MAML2: variants seen among roughly 807,000 people sequenced by gnomAD.
MAML2 encodes mastermind like transcriptional coactivator 2.
MAML2 carries 22 observed loss-of-function variants against 96.1 expected under a neutral mutation model. The ratio of observed to expected loss-of-function variants is 0.23; its 90% CI spans 0.16 to 0.33. The LOEUF (loss-of-function observed/expected upper bound fraction) is 0.33, where lower values mean the gene tolerates loss of function less well. Among genes scored for constraint, MAML2 ranks in the 10% least tolerant of loss-of-function variants. The pLI is 1.00. For missense variants in MAML2, 1,367 were observed against 1,392.4 expected (o/e 0.98, Z 0.29); for synonymous variants, 561 against 521.3 (o/e 1.08, Z -1.04).
At chr11:95,991,362 T>C (rs1267253724) in intron 3 of MAML2, among the ~76,000 whole-genome samples, 158 bp downstream of exon 3, 1 of 151,964 alleles carries the variant, frequency 6.6e-6, no homozygotes, top group Non-Finnish European at 1.5e-5. Context: ...TTTTTTTTCT[T>C]CCTGCAGTAC....
chr11:96,103,878 T>C (rs1231686809), intron 1 of MAML2, among the ~76,000 whole-genome samples: 2 of 152,244 alleles, frequency 1.3e-5, no homozygotes, highest in Admixed American at 1.3e-4. Context: ...TTTTTGTTTG[T>C]TTGTTTTTCA....
intron 1 of MAML2, among the ~76,000 whole-genome samples, chr11:96,131,808 G>C (rs984683211): frequency 6.6e-6 from 1 of 152,104 alleles, no homozygotes; most frequent in Non-Finnish European, 1.5e-5. Context: ...TCAGGCATTC[G>C]AGACCAGCCT....
At chr11:96,058,945 G>T (rs1257607913) in intron 2 of MAML2, among the ~76,000 whole-genome samples, 1 of 152,194 alleles carries the variant, frequency 6.6e-6, no homozygotes, top group Non-Finnish European at 1.5e-5. Flanking sequence ...AGCTAGGCAT[G>T]GTGGTGCACA....
At chr11:96,118,516 C>T (rs573697947) in intron 1 of MAML2, among the ~76,000 whole-genome samples, 1 of 152,266 alleles carries the variant, frequency 6.6e-6, no homozygotes, top group African/African-American at 2.4e-5. Flanking sequence ...GTCAATTAAA[C>T]CTCTTTCCTT....
At position 96,209,308 on chromosome 11, in the gene MAML2, A is replaced by G. The variant is rs140177925; in HGVS notation, c.514-115791T>C. On this transcript the variant is annotated intron_variant, in intron 1 of 4. Transcript: ENST00000524717. ...CAAATTTTATAATAAAAGCAGCTCCATCTTCATCTACTTATGCATTGGACT... is the reference window on the plus strand; with the variant it reads ...CAAATTTTATAATAAAAGCAGCTCCGTCTTCATCTACTTATGCATTGGACT... Among the ~76,000 whole-genome samples the G allele has an allele frequency of 2.6e-4, 40 of 152,042 alleles. 1 individual carries two copies. The highest frequency in any genetic ancestry group is 9.2e-4 in the African/African-American group (38 of 41,484).
chr11:95,987,820 C>T (rs1303740750), intron 3 of MAML2, among the ~76,000 whole-genome samples: 1 of 152,112 alleles, frequency 6.6e-6, no homozygotes, highest in African/African-American at 2.4e-5. Context: ...GTAAATGAAT[C>T]AGAAACATAT....
At chr11:96,041,416 G>A (rs1858807053) in intron 2 of MAML2, among the ~76,000 whole-genome samples, 2 of 151,728 alleles carry the variant, frequency 1.3e-5, no homozygotes, top group South Asian at 2.1e-4. Flanking sequence ...CAGGAGAATT[G>A]CTTGAGCCCA....
At chr11:96,325,550 A>C (rs1244135252) in intron 1 of MAML2, among the ~76,000 whole-genome samples, 1 of 152,154 alleles carries the variant, frequency 6.6e-6, no homozygotes, top group Non-Finnish European at 1.5e-5. Flanking sequence ...GGTCATGTAC[A>C]TATATTATTA....
intron 2 of MAML2, among the ~76,000 whole-genome samples, chr11:96,002,933 A>T (rs2135719909): frequency 6.9e-6 from 1 of 144,586 alleles, no homozygotes; most frequent in South Asian, 2.4e-4. Flanking sequence ...AAGGAAGATG[A>T]TGGGGATGAT....
intron 1 of MAML2, among the ~76,000 whole-genome samples, chr11:96,257,974 A>G (rs10831503): frequency 4.6e-5 from 7 of 152,124 alleles, no homozygotes; most frequent in Admixed American, 4.6e-4. Context: ...AGATTTGCTT[A>G]CTTGATCCTA....
At chr11:96,082,721 CT>C (rs140636982) in intron 2 of MAML2, among the ~76,000 whole-genome samples, 2,413 of 152,292 alleles carry the variant, frequency 0.016, 68 homozygotes, top group African/African-American at 0.055. Flanking sequence ...CTTAGACACG[CT>C]GTCCAACTAC....
intron 2 of MAML2, among the ~76,000 whole-genome samples, chr11:96,021,025 TTTTTC>T (rs1858427591): frequency 6.6e-6 from 1 of 152,196 alleles, no homozygotes; most frequent in South Asian, 2.1e-4. Flanking sequence ...CTTTTTTTCT[TTTTTC>T]TTTTGTGGTG....
At chr11:96,184,270 G>T (rs557606274) in intron 1 of MAML2, among the ~76,000 whole-genome samples, 1 of 152,088 alleles carries the variant, frequency 6.6e-6, no homozygotes, top group East Asian at 1.9e-4. Flanking sequence ...GTGAAACCCT[G>T]TCTCTACTAA....
chr11:96,095,499 T>C (rs1591010645), intron 1 of MAML2, among the ~76,000 whole-genome samples: 2 of 152,142 alleles, frequency 1.3e-5, no homozygotes, highest in Non-Finnish European at 2.9e-5. Flanking sequence ...CATGGGAATT[T>C]TGGATTTGGA....
intron 1 of MAML2, among the ~76,000 whole-genome samples, chr11:96,279,211 G>T (rs555964553): frequency 2.7e-4 from 41 of 152,316 alleles, no homozygotes; most frequent in African/African-American, 8.4e-4. Context: ...TAGATATGTA[G>T]GCTTAGAGCA....
chr11:96,284,020 C>T (rs150392791), intron 1 of MAML2, among the ~76,000 whole-genome samples: 2 of 152,142 alleles, frequency 1.3e-5, no homozygotes, highest in African/African-American at 4.8e-5. Flanking sequence ...ATCCTTCTAT[C>T]AAACTTTTCT....
In MAML2 at chr11:95,995,635, A is replaced by G. The variant is rs539093836; in HGVS notation, c.2140-3912T>C. 2.0e-5 allele frequency among the ~76,000 whole-genome samples: 3 copies of G among 152,248 alleles called. No individual in the cohort carries two copies. The East Asian group carries it at 5.8e-4, about 29-fold the overall frequency. The stretch of plus-strand genomic sequence containing the variant: ...TTAAATATTAGATGTTTTATATCCA[A>G]TGAGTCTTATGAAGGAGCTCACACT... On this transcript the variant is annotated intron_variant, in intron 2 of 4. Coordinates refer to ENST00000524717, the MANE Select transcript of MAML2 (RefSeq NM_032427.4).
At chr11:96,166,900 T>C (rs1203959680) in intron 1 of MAML2, among the ~76,000 whole-genome samples, 1 of 152,256 alleles carries the variant, frequency 6.6e-6, no homozygotes, top group Non-Finnish European at 1.5e-5. Flanking sequence ...AATACATTCT[T>C]AGTCCTCTCT....
intron 1 of MAML2, among the ~76,000 whole-genome samples, chr11:96,179,072 G>A (rs1417252044): frequency 6.6e-6 from 1 of 152,076 alleles, no homozygotes; most frequent in Non-Finnish European, 1.5e-5. Flanking sequence ...GATTACGTCT[G>A]TGCAAGTGTC....
Sources: gnomAD v4.1 joint callset for allele counts (sites outside exome capture counted in the v4.1 genomes callset) on GRCh38, gnomAD v4.1.1 for gene constraint, MANE v1.5 for transcripts, NCBI Gene and HGNC (gene_info 2026-07-23, HGNC 2026-07-21) for gene names.